Variants in FMNL2 observed in about 807,000 individuals in gnomAD.
The protein encoded by FMNL2 is formin-like protein 2.
FMNL2 carries 51 observed loss-of-function variants against 130.2 expected under a neutral mutation model. That is an observed-to-expected ratio of 0.39 (90% CI 0.31 to 0.49). The LOEUF is 0.49. FMNL2 is among the 20% of genes least tolerant of loss of function. The probability of loss-of-function intolerance (pLI) is 0.85; values close to 1 mark genes in which losing one functional copy is unlikely to be tolerated. For missense variants in FMNL2, 977 were observed against 1,316.2 expected, an observed-to-expected ratio of 0.74 and a Z score of 3.99; for synonymous variants, 465 against 467.1, an observed-to-expected ratio of 1.00 and a Z score of 0.06.
chr2:152,350,842 C>G (rs369058633), intron 1 of FMNL2, among the ~76,000 whole-genome samples: 1 of 152,150 alleles, frequency 6.6e-6, no homozygotes, highest in Non-Finnish European at 1.5e-5. Context: ...GTCAGGACTT[C>G]GAGACCCACC....
At chr2:152,519,118 T>C (rs1213177378) in intron 1 of FMNL2, among the ~76,000 whole-genome samples, 2 of 152,190 alleles carry the variant, frequency 1.3e-5, no homozygotes, top group East Asian at 3.8e-4. Context: ...CCCAGTGTGC[T>C]TTCGTCCGCC....
At chr2:152,403,039 A>G (rs1223250852) in intron 1 of FMNL2, among the ~76,000 whole-genome samples, 2 of 152,070 alleles carry the variant, frequency 1.3e-5, no homozygotes, top group African/African-American at 4.8e-5. Context: ...TGTTTTGTAG[A>G]ATACCCCTCA....
chr2:152,555,516 T>TA (rs1695154492), intron 4 of FMNL2, among the ~76,000 whole-genome samples: 1 of 152,290 alleles, frequency 6.6e-6, no homozygotes, highest in African/African-American at 2.4e-5. Flanking sequence ...TGAGGAGAAA[T>TA]AAGGTTCTAA....
At chr2:152,567,921 G>A (rs1459117624) in intron 6 of FMNL2, among the ~76,000 whole-genome samples, 2 of 152,188 alleles carry the variant, frequency 1.3e-5, no homozygotes, top group Admixed American at 1.3e-4. Context: ...TTAGGGCTTA[G>A]ATATTATGAA....
At chr2:152,438,337 G>A (rs1687880430) in intron 1 of FMNL2, among the ~76,000 whole-genome samples, 1 of 152,144 alleles carries the variant, frequency 6.6e-6, no homozygotes. Context: ...GTAAAAGCAT[G>A]GCAAATTCAG....
In FMNL2 at chr2:152,438,531, T is replaced by TTTTTTTA. The variant is rs1193563727; in HGVS notation, c.118-83398_118-83392dup. 2.9e-3 allele frequency among the ~76,000 whole-genome samples: 439 copies of TTTTTTTA among 152,300 alleles called. 1 individual carries two copies. Among genetic ancestry groups the TTTTTTTA allele is most frequent in the Non-Finnish European group, 4.6e-3 (315 of 68,024 alleles). ...TTAAAGGAGACTGAAATATAGGTGG[T>TTTTTTTA]TTTTTTATTTTTTATTTTTTGAGAC... On this transcript the variant is annotated intron_variant, in intron 1 of 25. Transcript: ENST00000288670.
chr2:152,378,942 G>C (rs1230700901), intron 1 of FMNL2, among the ~76,000 whole-genome samples: 1 of 114,752 alleles, frequency 8.7e-6, no homozygotes, highest in African/African-American at 3.4e-5. Flanking sequence ...ACCTACTCCA[G>C]ATATTGAGAG....
intron 6 of FMNL2, 147 bp downstream of exon 6, chr2:152,561,182 G>A: frequency 1.2e-6 from 1 of 813,204 alleles, no homozygotes; most frequent in Admixed American, 3.0e-5. Context: ...GTTTCTTTAG[G>A]AGTTCATGGG....
chr2:152,439,685 C>G (rs75735602), intron 1 of FMNL2, among the ~76,000 whole-genome samples: 2,025 of 151,576 alleles, frequency 0.013, 44 homozygotes, highest in African/African-American at 0.046. Context: ...TTTCTTTGCT[C>G]TCTTTGATCC....
At chr2:152,353,864 A>G (rs1274826495) in intron 1 of FMNL2, among the ~76,000 whole-genome samples, 1 of 151,010 alleles carries the variant, frequency 6.6e-6, no homozygotes, top group Non-Finnish European at 1.5e-5. Flanking sequence ...CTTTAGTTAA[A>G]TCATCATCAA....
chr2:152,418,466 C>G (rs936218400), intron 1 of FMNL2, among the ~76,000 whole-genome samples: 5 of 152,116 alleles, frequency 3.3e-5, no homozygotes, highest in African/African-American at 1.2e-4. Context: ...TCATTCCCCC[C>G]ACCCCTTCCC....
rs1200753719 is a variant in FMNL2 at position 152,632,073 on chromosome 2, A to T, written c.2616A>T (p.Lys872Asn). 6.2e-7 allele frequency: 1 copy of T among 1,613,480 alleles called. No individual in the cohort carries two copies. Among genetic ancestry groups the T allele is most frequent in the African/African-American group, 1.3e-5 (1 of 75,066 alleles). Residue 872 changes from lysine to asparagine, a missense_variant, in exon 21 of 26, where the codon AAA becomes AAT. Transcript: ENST00000288670. Reference sequence around the variant, plus strand: ...TGCACTATATATCCAATGTGGTGAAAGAAAAATATCACCAAGTGTCCCTGT... The same window carrying T: ...TGCACTATATATCCAATGTGGTGAATGAAAAATATCACCAAGTGTCCCTGT... Reference protein sequence around the residue: ...TLLHYISNVVKEKYHQVSLFY... With the variant: ...TLLHYISNVVNEKYHQVSLFY...
At chr2:152,507,693 G>A (rs974100473) in intron 1 of FMNL2, among the ~76,000 whole-genome samples, 2 of 152,000 alleles carry the variant, frequency 1.3e-5, no homozygotes, top group South Asian at 2.1e-4. Flanking sequence ...TGCAGCCACA[G>A]CCTCTTCTGT....
intron 3 of FMNL2, among the ~76,000 whole-genome samples, chr2:152,543,599 T>G (rs1694438548): frequency 6.6e-6 from 1 of 152,078 alleles, no homozygotes; most frequent in South Asian, 2.1e-4. Context: ...AGTGTGTGAT[T>G]CTTGAGAAAA....
intron 9 of FMNL2, among the ~76,000 whole-genome samples, chr2:152,607,009 T>TTTTTG (rs1553485778): frequency 7.7e-6 from 1 of 129,272 alleles, no homozygotes; most frequent in Non-Finnish European, 1.6e-5. Context: ...TTTTTTTGTT[T>TTTTTG]TTTTTTTTTT....
chr2:152,490,262 G>A lies in FMNL2; in HGVS notation c.118-31681G>A, dbSNP rs191431136. On this transcript the variant is annotated intron_variant, in intron 1 of 25. Coordinates refer to ENST00000288670, the MANE Select transcript of FMNL2 (RefSeq NM_052905.4). Reference sequence around the variant, plus strand: ...AGGGAATGAGTTTACAATAAATAAGGTGTGAGAGTGGTTGGGGGGAGTGGG... The same window carrying A: ...AGGGAATGAGTTTACAATAAATAAGATGTGAGAGTGGTTGGGGGGAGTGGG... Among the ~76,000 whole-genome samples the A allele has an allele frequency of 6.4e-4, 97 of 151,794 alleles. No homozygotes were observed. The Middle Eastern group carries it at 0.01, about 16-fold the overall frequency.
At chr2:152,543,114 C>T (rs756226861) in intron 3 of FMNL2, among the ~76,000 whole-genome samples, 10 of 152,336 alleles carry the variant, frequency 6.6e-5, no homozygotes, top group Non-Finnish European at 1.5e-4. Flanking sequence ...GGTATTCAGG[C>T]CCCTAGAAGA....
intron 9 of FMNL2, among the ~76,000 whole-genome samples, chr2:152,589,583 C>G (rs1317295515): frequency 6.6e-6 from 1 of 152,110 alleles, no homozygotes; most frequent in Non-Finnish European, 1.5e-5. Context: ...GGAAGTATTT[C>G]TTTGACGTTT....
At chr2:152,422,675 T>C (rs1276086884) in intron 1 of FMNL2, among the ~76,000 whole-genome samples, 2 of 152,130 alleles carry the variant, frequency 1.3e-5, no homozygotes, top group African/African-American at 2.4e-5. Flanking sequence ...ACTACAGGCA[T>C]GCACCATCAC....
Sources: allele counts gnomAD v4.1 joint callset (sites outside exome capture counted in the v4.1 genomes callset), GRCh38; gene constraint gnomAD v4.1.1; transcripts MANE v1.5; gene names NCBI Gene and HGNC (gene_info 2026-07-23, HGNC 2026-07-21).